PAICS: variants seen among roughly 807,000 people sequenced by gnomAD.
PAICS encodes bifunctional phosphoribosylaminoimidazole carboxylase/phosphoribosylaminoimidazole succinocarboxamide synthetase.
PAICS carries 33 observed loss-of-function variants against 53.7 expected under a neutral mutation model. The ratio of observed to expected loss-of-function variants is 0.61; its 90% confidence interval spans 0.47 to 0.82. The LOEUF is 0.82. PAICS is among the 40% of genes least tolerant of loss of function. PAICS has a pLI of 0.00. For missense variants in PAICS, 394 were observed against 494.1 expected, an observed-to-expected ratio of 0.80 and a Z score of 1.92; for synonymous variants, 141 against 167.2, an observed-to-expected ratio of 0.84 and a Z score of 1.21.
chr4:56,410,899 TAAAAAAAAAAA>T, the PAICS span: 4,183 of 676,396 alleles, frequency 6.2e-3, no homozygotes, highest in Middle Eastern at 9.8e-3. Flanking sequence ...CCACTGAAGG[TAAAAAAAAAAA>T]AAAAAAAAAA....
intron 8 of PAICS, among the ~76,000 whole-genome samples, chr4:56,454,729 A>G (rs1719102091): frequency 6.6e-6 from 1 of 151,656 alleles, no homozygotes; most frequent in Admixed American, 6.6e-5. Flanking sequence ...TATATTTTCT[A>G]TAAACTGATG....
At position 56,453,733 on chromosome 4, in the gene PAICS, TG is replaced by T; in HGVS notation, c.1084del (p.Val362CysfsTer32). 1 of 1,549,668 alleles carries T rather than the reference TG, an allele frequency of 6.5e-7. No individual in the cohort carries two copies. Among genetic ancestry groups the T allele is most frequent in the Non-Finnish European group, 8.7e-7 (1 of 1,144,844 alleles). On this transcript the variant is annotated frameshift_variant, in exon 8 of 9. Transcript: ENST00000512576. LOFTEE classifies it high-confidence loss of function. ...PLTPDWGVQD[V>X]WSSLRLPSGL... ...TCACACCAGACTGGGGAGTTCAGGA[TG>T]TGTGGTCTTCTCTTCGACTACCCAG...
intron 8 of PAICS, among the ~76,000 whole-genome samples, chr4:56,458,690 T>A (rs564534228): frequency 9.2e-5 from 14 of 152,330 alleles, no homozygotes; most frequent in Non-Finnish European, 1.9e-4. Flanking sequence ...TCCAAGAATA[T>A]CGGGAAAATC....
At chr4:56,446,516 T>C (rs530011261) in intron 2 of PAICS, 179 bp from the exon 3 acceptor site, 1 of 644,594 alleles carries the variant, frequency 1.6e-6, no homozygotes, top group Non-Finnish European at 2.8e-6. Context: ...TATAGTCATG[T>C]GCTGCTTACT....
chr4:56,426,131 G>A, the PAICS span, among the ~76,000 whole-genome samples: 6 of 152,234 alleles, frequency 3.9e-5, no homozygotes, highest in East Asian at 1.9e-4. Context: ...TGCCAGGCAC[G>A]GTGGCTAACG....
intron 8 of PAICS, among the ~76,000 whole-genome samples, chr4:56,454,312 T>C (rs1264053482): frequency 1.3e-5 from 2 of 152,192 alleles, no homozygotes; most frequent in African/African-American, 4.8e-5. Context: ...TTAGAATGAA[T>C]TGTGGTGGAA....
At chr4:56,420,061 A>T in the PAICS span, 2 of 930,306 alleles carry the variant, frequency 2.1e-6, no homozygotes, top group Non-Finnish European at 2.6e-6. Flanking sequence ...AGGAAGGTGA[A>T]GAAAAATAAT....
intron 8 of PAICS, among the ~76,000 whole-genome samples, chr4:56,456,895 T>C (rs765395156): frequency 1.3e-5 from 2 of 152,152 alleles, no homozygotes; most frequent in East Asian, 1.9e-4. Context: ...CTTGGCTGTT[T>C]GCGCTTTTAA....
chr4:56,453,166 C>G (rs543771982), intron 7 of PAICS, among the ~76,000 whole-genome samples: 1 of 152,276 alleles, frequency 6.6e-6, no homozygotes, highest in South Asian at 2.1e-4. Flanking sequence ...TTTCCTTCAA[C>G]TCTTGTTTGA....
chr4:56,440,084 T>G (rs552059824), intron 1 of PAICS, among the ~76,000 whole-genome samples: 2 of 152,360 alleles, frequency 1.3e-5, no homozygotes, highest in Admixed American at 1.3e-4. Context: ...TTATAGCTCT[T>G]CTTGGGTTAA....
At position 56,437,890 on chromosome 4, in the gene PAICS, C is replaced by T. The variant is rs556981348; in HGVS notation, c.16+1562C>T. 1.3e-4 allele frequency among the ~76,000 whole-genome samples: 18 copies of T among 141,850 alleles called. No homozygotes were observed. The East Asian group carries it at 4.3e-3, about 34-fold the overall frequency. The allele number at this position is 141,850 out of a possible 152,430, so 93.1% of individuals were successfully genotyped here. ...AGATTCAGATGATATTGAGTATCAA[C>T]TCCCTAGAATCAAGGCAAGGACCAG... is the stretch of plus-strand genomic sequence containing the variant. On this transcript the variant is annotated intron_variant, in intron 1 of 8. Transcript: ENST00000512576.
At chr4:56,423,726 G>A in the PAICS span, among the ~76,000 whole-genome samples, 13,951 of 151,674 alleles carry the variant, frequency 0.092, 798 homozygotes, top group East Asian at 0.25. Context: ...TAGAAAATGT[G>A]AAACAGGACA....
intron 1 of PAICS, among the ~76,000 whole-genome samples, chr4:56,440,811 C>G (rs1305601915): frequency 1.3e-5 from 2 of 152,204 alleles, no homozygotes; most frequent in African/African-American, 2.4e-5. Flanking sequence ...TCCCTTGGCA[C>G]ATGGATACAC....
the PAICS span, among the ~76,000 whole-genome samples, chr4:56,411,130 GA>G: frequency 1.3e-5 from 2 of 152,016 alleles, no homozygotes; most frequent in Non-Finnish European, 2.9e-5. Flanking sequence ...GTAAAATACA[GA>G]AAAAGCACAT....
chr4:56,455,321 C>T (rs1484482744), intron 8 of PAICS, among the ~76,000 whole-genome samples: 3 of 152,168 alleles, frequency 2.0e-5, no homozygotes, highest in Non-Finnish European at 4.4e-5. Flanking sequence ...TGCTTTATTA[C>T]TAAAATCCCT....
rs1225786731 is a variant in PAICS at position 56,459,532 on chromosome 4, T to C, written c.1272T>C (p.Asn424=). The change falls in exon 9 of 9, where the codon AAT becomes AAC. Residue 424 remains asparagine, a synonymous_variant. Coordinates refer to ENST00000512576, the MANE Select transcript of PAICS (RefSeq NM_001079524.2). The stretch of plus-strand genomic sequence containing the variant: ...CTGACAAGAAAATCAGAGAATGTAA[T>C]TTATAAGAAAGAATGCCATTGAATT... ...KQADKKIREC[N]L 6.5e-7 allele frequency: 1 copy of C among 1,549,312 alleles called. No homozygotes were observed. Among genetic ancestry groups the C allele is most frequent in the East Asian group, 2.3e-5 (1 of 43,758 alleles).
chr4:56,433,175 G>T (rs1652720303), upstream of PAICS, among the ~76,000 whole-genome samples: 1 of 151,760 alleles, frequency 6.6e-6, no homozygotes, highest in South Asian at 2.1e-4. Flanking sequence ...GTAAAATTTT[G>T]AATTGATTAT....
At chr4:56,457,407 CAG>C (rs1242196171) in intron 8 of PAICS, among the ~76,000 whole-genome samples, 1 of 151,906 alleles carries the variant, frequency 6.6e-6, no homozygotes, top group African/African-American at 2.4e-5. Context: ...GACCGTGTCT[CAG>C]AAAAAAATAA....
At chr4:56,423,123 A>T in the PAICS span, 3 of 152,242 alleles carry the variant, frequency 2.0e-5, no homozygotes, top group Admixed American at 6.5e-5. Flanking sequence ...AAGCTGAAGT[A>T]TATCTGTTAA....
Sources: gnomAD v4.1 joint callset for allele counts (sites outside exome capture counted in the v4.1 genomes callset) on GRCh38, gnomAD v4.1.1 for gene constraint, MANE v1.5 for transcripts, NCBI Gene and HGNC (gene_info 2026-07-23, HGNC 2026-07-21) for gene names.